PACSIN2: variants seen among roughly 807,000 people sequenced by gnomAD.
PACSIN2 encodes protein kinase C and casein kinase substrate in neurons 2.
A neutral mutation model predicts 63.8 loss-of-function variants in PACSIN2; 25 were observed. That is an observed-to-expected ratio of 0.39 (90% CI 0.29 to 0.55). The LOEUF is 0.55. Ranked by LOEUF, PACSIN2 falls within the 20% of genes least tolerant of loss-of-function variation. PACSIN2 has a pLI of 0.62. For synonymous variants in PACSIN2, 255 were observed against 256.2 expected (o/e 1.00, Z 0.05); for missense variants, 518 against 646.9 (o/e 0.80, Z 2.16).
intron 2 of PACSIN2, among the ~76,000 whole-genome samples, chr22:42,899,836 A>C (rs977658259): frequency 6.6e-6 from 1 of 152,186 alleles, no homozygotes; most frequent in South Asian, 2.1e-4. Context: ...CAGAACAGAA[A>C]CAGAATGATG....
intron 1 of PACSIN2, among the ~76,000 whole-genome samples, chr22:42,974,102 C>T (rs932270662): frequency 1.3e-5 from 2 of 152,218 alleles, no homozygotes; most frequent in Non-Finnish European, 2.9e-5. Flanking sequence ...AGATAAAGCA[C>T]CTGGCCTGGT....
chr22:42,888,662 C>A lies in PACSIN2; in HGVS notation c.590G>T (p.Cys197Phe). The change falls in exon 5 of 11, where the codon TGC (cysteine) becomes TTC (phenylalanine). Residue 197 changes from cysteine to phenylalanine, a missense_variant. By Grantham distance (205) the Cys-to-Phe change is radical. Coordinates refer to ENST00000263246, the MANE Select transcript of PACSIN2 (RefSeq NM_001184970.3). Reference sequence around the variant, plus strand: ...GTTTACCTTAAGAACATCTTGCTTGCACTTTTCTATTTTGTCTTGCAATTT... The same window carrying A: ...GTTTACCTTAAGAACATCTTGCTTGAACTTTTCTATTTTGTCTTGCAATTT... Reference protein sequence around the residue: ...LKKLQDKIEKCKQDVLKTKEK... With the variant: ...LKKLQDKIEKFKQDVLKTKEK... The A allele has an allele frequency of 6.2e-7, 1 of 1,614,210 alleles. No individual in the cohort carries two copies. Among genetic ancestry groups the A allele is most frequent in the Non-Finnish European group, 8.5e-7 (1 of 1,180,018 alleles).
At chr22:42,941,768 G>C (rs1933172799) in intron 1 of PACSIN2, among the ~76,000 whole-genome samples, 1 of 150,688 alleles carries the variant, frequency 6.6e-6, no homozygotes, top group Non-Finnish European at 1.5e-5. Context: ...TGGGGTTTTT[G>C]TTTTGTTTTG....
chr22:42,938,063 T>G (rs187327633), intron 1 of PACSIN2, among the ~76,000 whole-genome samples: 1 of 152,312 alleles, frequency 6.6e-6, no homozygotes, highest in African/African-American at 2.4e-5. Flanking sequence ...AGATTCTAGA[T>G]GACAGCCCTA....
chr22:42,948,617 C>A (rs1260828816), intron 1 of PACSIN2, among the ~76,000 whole-genome samples: 2 of 152,122 alleles, frequency 1.3e-5, no homozygotes, highest in African/African-American at 4.8e-5. Context: ...CCACTGTACT[C>A]CAGCCTGGGC....
At chr22:42,997,014 C>G (rs1189796886) in intron 1 of PACSIN2, among the ~76,000 whole-genome samples, 2 of 152,146 alleles carry the variant, frequency 1.3e-5, no homozygotes, top group African/African-American at 2.4e-5. Flanking sequence ...GAAACCAGTT[C>G]AGGGAAGTGA....
intron 1 of PACSIN2, among the ~76,000 whole-genome samples, chr22:42,994,321 T>G (rs1923252647): frequency 6.6e-6 from 1 of 152,114 alleles, no homozygotes; most frequent in African/African-American, 2.4e-5. Context: ...ATGTGTCAGA[T>G]AGGGAGGGAC....
Position 42,871,540 on chromosome 22 carries a change from C to A in PACSIN2, c.1349-71G>T. The A allele has an allele frequency of 8.1e-7, 1 of 1,237,740 alleles. No individual in the cohort carries two copies. The highest frequency in any genetic ancestry group is 1.2e-6 in the Non-Finnish European group (1 of 838,496). 76.7% of individuals were successfully genotyped at this position (1,237,740 alleles called of 1,614,324 possible). On this transcript the variant is annotated intron_variant, in intron 10 of 10. Coordinates refer to ENST00000263246, the MANE Select transcript of PACSIN2 (RefSeq NM_001184970.3). The surrounding 1 kb of genome is among the most constrained non-coding windows in gnomAD (Gnocchi z 5.4). Reference sequence around the variant, plus strand: ...ACGGTGGGCTACAGAGCCGCATTCACGAGCTTTGAGCCCACAGAGGGTGGA... The same window carrying A: ...ACGGTGGGCTACAGAGCCGCATTCAAGAGCTTTGAGCCCACAGAGGGTGGA...
intron 1 of PACSIN2, among the ~76,000 whole-genome samples, chr22:42,992,479 G>T (rs1923107201): frequency 6.6e-6 from 1 of 152,188 alleles, no homozygotes; most frequent in Non-Finnish European, 1.5e-5. Flanking sequence ...CAAGTGCAGT[G>T]GTTCACACCT....
At chr22:42,887,604 G>T (rs1483749485) in intron 5 of PACSIN2, among the ~76,000 whole-genome samples, 1 of 152,018 alleles carries the variant, frequency 6.6e-6, no homozygotes, top group Admixed American at 6.6e-5. Context: ...GCAGGCCCTC[G>T]GCAATCACAC....
chr22:42,922,018 T>G (rs997421213), intron 1 of PACSIN2, among the ~76,000 whole-genome samples: 1 of 152,168 alleles, frequency 6.6e-6, no homozygotes, highest in Non-Finnish European at 1.5e-5. Flanking sequence ...GGATTACAGG[T>G]GTGAGCCACC....
chr22:42,948,444 C>T (rs1933529502), intron 1 of PACSIN2, among the ~76,000 whole-genome samples: 1 of 152,158 alleles, frequency 6.6e-6, no homozygotes, highest in African/African-American at 2.4e-5. Flanking sequence ...CCTTCTCAAC[C>T]AGTACTATAA....
At chr22:43,004,027 T>A (rs1196015424) in intron 1 of PACSIN2, among the ~76,000 whole-genome samples, 1 of 152,232 alleles carries the variant, frequency 6.6e-6, no homozygotes, top group Non-Finnish European at 1.5e-5. Context: ...ACACACATAA[T>A]CTCCCTCATG....
intron 10 of PACSIN2, among the ~76,000 whole-genome samples, chr22:42,874,872 A>G (rs574777418): frequency 3.1e-5 from 2 of 64,216 alleles, no homozygotes; most frequent in East Asian, 4.6e-4. Context: ...TTTTTTTGAA[A>G]AAGAGTTTTG....
intron 2 of PACSIN2, among the ~76,000 whole-genome samples, chr22:42,903,325 C>A (rs1299615992): frequency 3.9e-5 from 6 of 152,228 alleles, no homozygotes; most frequent in Non-Finnish European, 8.8e-5. Context: ...ATGGTGACAG[C>A]TTCAGGCAAC....
Position 42,973,941 on chromosome 22 carries a change from C to T in PACSIN2, c.-78+41080G>A, listed in dbSNP as rs566793040. On this transcript the variant is annotated intron_variant, in intron 1 of 10. Coordinates refer to ENST00000263246, the MANE Select transcript of PACSIN2 (RefSeq NM_001184970.3). ...GGATGCCAAGTACCAAGAACAGAAG[C>T]GTAGCCTTAACTTGTAGCCTGATAC... is the stretch of plus-strand genomic sequence containing the variant. 1.4e-4 allele frequency among the ~76,000 whole-genome samples: 21 copies of T among 152,352 alleles called. No individual in the cohort carries two copies. In the South Asian group the frequency reaches 3.9e-3, roughly 29 times the overall value.
chr22:42,951,507 C>A (rs975405180), intron 1 of PACSIN2, among the ~76,000 whole-genome samples: 3 of 152,194 alleles, frequency 2.0e-5, no homozygotes, highest in African/African-American at 4.8e-5. Context: ...GCATCTCCCC[C>A]TGGGAGGCTC....
chr22:42,973,624 C>T (rs1053143851), intron 1 of PACSIN2, among the ~76,000 whole-genome samples: 2 of 152,250 alleles, frequency 1.3e-5, no homozygotes, highest in African/African-American at 2.4e-5. Context: ...CCTGTCTCCG[C>T]CCAGGTGTGG....
chr22:42,994,314 T>A (rs1011280571), intron 1 of PACSIN2, among the ~76,000 whole-genome samples: 7 of 152,126 alleles, frequency 4.6e-5, no homozygotes, highest in Non-Finnish European at 1.0e-4. Context: ...AAGCCCCATG[T>A]GTCAGATAGG....
Sources: gnomAD v4.1 joint callset for allele counts (sites outside exome capture counted in the v4.1 genomes callset) on GRCh38, gnomAD v4.1.1 for gene constraint, Gnocchi (gnomAD v3.1) non-coding constraint, MANE v1.5 for transcripts, NCBI Gene and HGNC (gene_info 2026-07-23, HGNC 2026-07-21) for gene names.